NUGGC: variants seen among roughly 807,000 people sequenced by gnomAD.
The protein encoded by NUGGC is nuclear GTPase, germinal center associated.
In NUGGC, 58 loss-of-function variants were observed where a neutral mutation model predicts 92.6. The observed-to-expected ratio is 0.63, with a 90% confidence interval of 0.51 to 0.78. NUGGC has a LOEUF of 0.78. Ranked by LOEUF, NUGGC falls within the 30% of genes least tolerant of loss-of-function variation. NUGGC has a pLI of 0.00. For missense variants in NUGGC, 925 were observed against 964.6 expected, an observed-to-expected ratio of 0.96 and a Z score of 0.54; for synonymous variants, 376 against 366.4, an observed-to-expected ratio of 1.03 and a Z score of -0.30.
rs78706304 is a variant in NUGGC at position 28,069,863 on chromosome 8, C to T, written c.149-211G>A. The T allele has an allele frequency of 5.4e-3, 3,123 of 578,660 alleles. 83 individuals carry two copies. Among genetic ancestry groups the T allele is most frequent in the African/African-American group, 0.053 (2,842 of 53,468 alleles). 35.8% of individuals were successfully genotyped at this position (578,660 alleles called of 1,614,324 possible). On this transcript the variant is annotated intron_variant, in intron 3 of 18. Transcript: ENST00000413272. ...TTCTGAAAATCTCCAAAGAGCCAGG[C>T]TGCTCTGAAACTCTGGTAACAGAAG...
At chr8:28,074,317 T>C in intron 2 of NUGGC, 51 bp downstream of exon 2, 2 of 1,266,526 alleles carry the variant, frequency 1.6e-6, no homozygotes, top group Non-Finnish European at 2.3e-6. Flanking sequence ...TTATCCTATA[T>C]CAGTAATCAG....
chr8:28,044,868 C>A, intron 12 of NUGGC, among the ~76,000 whole-genome samples: 1 of 152,170 alleles, frequency 6.6e-6, no homozygotes, highest in Non-Finnish European at 1.5e-5. Flanking sequence ...TGACTGACGA[C>A]AGTAAGAGGT....
rs763391973 is a variant in NUGGC at position 28,067,551 on chromosome 8, A to T, written c.674T>A (p.Ile225Asn). 7.4e-6 allele frequency: 12 copies of T among 1,612,324 alleles called. No homozygotes were observed. ...GAGGGTGATGACTCTGGAGGTGGGG[A>T]TCTTCCTTTTGGGCTTCGCCCTCAG... ...ELLRAKPKRK[I>N]PTSRVITLKA... The change falls in exon 6 of 19, where the codon ATC becomes AAC. Residue 225 changes from isoleucine to asparagine, a missense_variant. Transcript: ENST00000413272.
rs568314023 is a variant in NUGGC at position 28,032,672 on chromosome 8, C to T, written c.1769+868G>A. The stretch of plus-strand genomic sequence containing the variant: ...GGCAGAGCTTCCAATGAGCTGAGAT[C>T]GCGCCACTGCACCACTCCAGCCTGG... On this transcript the variant is annotated intron_variant, in intron 14 of 18. Coordinates refer to ENST00000413272, the MANE Select transcript of NUGGC (RefSeq NM_001010906.2). Among the ~76,000 whole-genome samples, 18 of 148,742 alleles carry T rather than the reference C, an allele frequency of 1.2e-4. No individual in the cohort carries two copies. The South Asian group carries it at 3.0e-3, about 25-fold the overall frequency.
At chr8:28,028,397 C>T (rs931781208) in intron 17 of NUGGC, among the ~76,000 whole-genome samples, 106 of 152,152 alleles carry the variant, frequency 7.0e-4, no homozygotes, top group African/African-American at 2.4e-3. Flanking sequence ...GGATATTTTC[C>T]AAAACTGCAG....
intron 15 of NUGGC, among the ~76,000 whole-genome samples, chr8:28,031,005 C>T (rs1347612147): frequency 6.6e-6 from 1 of 152,210 alleles, no homozygotes; most frequent in South Asian, 2.1e-4. Flanking sequence ...GCAACCTTGT[C>T]GTGCACTCTC....
intron 13 of NUGGC, among the ~76,000 whole-genome samples, chr8:28,038,468 G>A (rs1236985516): frequency 6.6e-6 from 1 of 152,136 alleles, no homozygotes; most frequent in African/African-American, 2.4e-5. Flanking sequence ...CTATAACATA[G>A]GTACCGTGGT....
Position 28,070,376 on chromosome 8 carries a change from A to G in NUGGC, c.44-20T>C, listed in dbSNP as rs1420895943. 7.9e-7 allele frequency: 1 copy of G among 1,261,424 alleles called. No individual in the cohort carries two copies. The highest frequency in any genetic ancestry group is 1.5e-5 in the African/African-American group (1 of 67,464). 78.1% of individuals were successfully genotyped at this position (1,261,424 alleles called of 1,614,324 possible). ...CTTCAACTAGAGATAAACAGAGGAT[A>G]TATAAGATTATAGGTGTTGGGGTAT... On this transcript the variant is annotated intron_variant, in intron 2 of 18. Coordinates refer to ENST00000413272, the MANE Select transcript of NUGGC (RefSeq NM_001010906.2).
chr8:28,028,622 G>A (rs1455246511), intron 17 of NUGGC, among the ~76,000 whole-genome samples: 1 of 152,156 alleles, frequency 6.6e-6, no homozygotes, highest in African/African-American at 2.4e-5. Context: ...CTACTTGGGG[G>A]AAAGGGGGTG....
chr8:28,051,285 G>A (rs1217187646), intron 10 of NUGGC, among the ~76,000 whole-genome samples: 1 of 152,176 alleles, frequency 6.6e-6, no homozygotes, highest in African/African-American at 2.4e-5. Context: ...TAATGCTAAA[G>A]GGAGTCAGCT....
At chr8:28,038,256 G>A (rs1377120080) in intron 13 of NUGGC, among the ~76,000 whole-genome samples, 2 of 152,148 alleles carry the variant, frequency 1.3e-5, no homozygotes, top group Admixed American at 1.3e-4. Flanking sequence ...TGACTGTCTT[G>A]TGGTCCTCAC....
intron 10 of NUGGC, among the ~76,000 whole-genome samples, chr8:28,055,581 C>A (rs1810112291): frequency 6.6e-6 from 1 of 152,200 alleles, no homozygotes; most frequent in Non-Finnish European, 1.5e-5. Flanking sequence ...GTCAGTAATC[C>A]CAGCACTTTG....
chr8:28,030,898 C>T (rs1366156389), intron 15 of NUGGC, among the ~76,000 whole-genome samples: 1 of 152,124 alleles, frequency 6.6e-6, no homozygotes, highest in African/African-American at 2.4e-5. Context: ...GTAACATTGG[C>T]AAAAATGATA....
chr8:28,062,354 C>T (rs1243536603), intron 7 of NUGGC, among the ~76,000 whole-genome samples: 2 of 151,960 alleles, frequency 1.3e-5, no homozygotes, highest in African/African-American at 2.4e-5. Flanking sequence ...TGTGGTGGCT[C>T]ACGCCTGTAA....
intron 5 of NUGGC, among the ~76,000 whole-genome samples, 162 bp downstream of exon 5, chr8:28,068,054 G>T (rs1810487002): frequency 6.6e-6 from 1 of 150,690 alleles, no homozygotes; most frequent in African/African-American, 2.4e-5. Context: ...GAGAAGGAAA[G>T]AAAGAAAAGG....
chr8:28,056,693 T>C (rs1212280462), intron 9 of NUGGC, among the ~76,000 whole-genome samples: 1 of 152,192 alleles, frequency 6.6e-6, no homozygotes, highest in East Asian at 1.9e-4. Context: ...TCCCAGTTTA[T>C]ATTTGATAAT....
chr8:28,042,084 A>G (rs145139022), intron 12 of NUGGC, among the ~76,000 whole-genome samples: 7 of 152,186 alleles, frequency 4.6e-5, no homozygotes, highest in African/African-American at 1.7e-4. Flanking sequence ...AAAACCTTAT[A>G]AAACATGCCA....
intron 12 of NUGGC, among the ~76,000 whole-genome samples, chr8:28,044,041 G>T (rs892442544): frequency 6.6e-6 from 1 of 152,086 alleles, no homozygotes; most frequent in Non-Finnish European, 1.5e-5. Context: ...CACCACTAAA[G>T]ACTTTTTACA....
At chr8:28,070,151 T>C in intron 3 of NUGGC, 101 bp downstream of exon 3, 3 of 1,468,536 alleles carry the variant, frequency 2.0e-6, no homozygotes, top group Non-Finnish European at 2.7e-6. Flanking sequence ...TTATTTGATG[T>C]TTCATCCAGC....
Sources: gnomAD v4.1 joint callset for allele counts (sites outside exome capture counted in the v4.1 genomes callset) on GRCh38, gnomAD v4.1.1 for gene constraint, MANE v1.5 for transcripts, NCBI Gene and HGNC (gene_info 2026-07-23, HGNC 2026-07-21) for gene names.